Variants in BCORL1 observed in about 807,000 individuals in gnomAD.
BCORL1 encodes the protein BCL6 corepressor like 1, also known as BCL-6 corepressor-like protein 1.
Under a neutral mutation model 87.6 loss-of-function variants are expected in BCORL1, and 7 were observed. That is an observed-to-expected ratio of 0.08 (90% CI 0.05 to 0.15). The LOEUF is 0.15. BCORL1 is among the 10% of genes least tolerant of loss of function. The pLI, the probability that BCORL1 is intolerant of heterozygous loss-of-function variation, is 1.00. For synonymous variants in BCORL1, 591 were observed against 634.4 expected (o/e 0.93, Z 1.03); for missense variants, 1,215 against 1,499.7 (o/e 0.81, Z 3.13).
intron 11 of BCORL1, among the ~76,000 whole-genome samples, chrX:130,045,409 C>G (rs902021017): frequency 1.5e-4 from 17 of 110,791 alleles, no homozygotes; most frequent in Non-Finnish European, 3.0e-4. Flanking sequence ...TGCTAGATAC[C>G]TCTGCCATAT....
intron 2 of BCORL1, among the ~76,000 whole-genome samples, chrX:130,005,782 A>ATT (rs143969417): frequency 1.4e-4 from 14 of 98,520 alleles, no homozygotes; most frequent in African/African-American, 4.5e-4. Context: ...CGCCCGGCTA[A>ATT]TTTTTTTTTT....
At position 129,998,107 on chromosome X, in the gene BCORL1, C is replaced by T. The variant is rs912779554; in HGVS notation, c.-44-7081C>T. On this transcript the variant is annotated intron_variant, in intron 1 of 13. Transcript: ENST00000540052. The stretch of plus-strand genomic sequence containing the variant: ...TGGATATATCTTTTGAGTTTTTTCC[C>T]CCAAAGTAGGGATAGCTCACAGTGG... Among the ~76,000 whole-genome samples, 3 of 109,918 alleles carry T rather than the reference C, an allele frequency of 2.7e-5. No homozygotes were observed. In the East Asian group the frequency reaches 8.6e-4, roughly 31 times the overall value.
At chrX:129,983,001 C>T (rs1926246986) in intron 1 of BCORL1, among the ~76,000 whole-genome samples, 2 of 108,727 alleles carry the variant, frequency 1.8e-5, no homozygotes, top group African/African-American at 3.4e-5. Flanking sequence ...AACCCTGTTC[C>T]TTCTTTTCCC....
chrX:130,046,338 T>C (rs993857180), intron 11 of BCORL1, among the ~76,000 whole-genome samples: 1 of 111,046 alleles, frequency 9.0e-6, no homozygotes, highest in Non-Finnish European at 1.9e-5. Flanking sequence ...ATATTCACTA[T>C]CTTGTGCAAC....
Position 130,043,784 on chromosome X carries a change from A to AT in BCORL1, c.4840+4523dup, listed in dbSNP as rs1163098654. 2.5e-3 allele frequency among the ~76,000 whole-genome samples: 40 copies of AT among 15,971 alleles called. 1 individual carries two copies. The highest frequency in any genetic ancestry group is 5.2e-3 in the East Asian group (2 of 386). The allele number at this position is 15,971 out of a possible 115,157, so 13.9% of individuals were successfully genotyped here. A position where few individuals can be genotyped will look rare whatever the true frequency, so the allele number is the denominator to read the frequency against. On this transcript the variant is annotated intron_variant, in intron 11 of 13. Coordinates refer to ENST00000540052, the MANE Select transcript of BCORL1 (RefSeq NM_001379451.1). ...TATATATATATATATATATATATAT[A>AT]TTTTTTTTTTTTTTTTTTTTTGAGA...
At chrX:130,009,622 G>A (rs965374940) in intron 2 of BCORL1, among the ~76,000 whole-genome samples, 1 of 110,502 alleles carries the variant, frequency 9.0e-6, no homozygotes, top group African/African-American at 3.3e-5. Context: ...CTTACGGGTA[G>A]TCTGGGCCCA....
intron 8 of BCORL1, among the ~76,000 whole-genome samples, chrX:130,033,827 C>T (rs1930770286): frequency 9.1e-6 from 1 of 110,156 alleles, no homozygotes; most frequent in African/African-American, 3.3e-5. Context: ...ACTAAAAATG[C>T]AAAAATTAGC....
Position 130,004,104 on chromosome X carries a change from T to C in BCORL1, c.-44-1084T>C, listed in dbSNP as rs752669274. ...AAGCTCATTGGATAAAGGTTTTTCTTGGTGCCTCATTTTTTCTAGAAGGTA... is the reference window on the plus strand; with the variant it reads ...AAGCTCATTGGATAAAGGTTTTTCTCGGTGCCTCATTTTTTCTAGAAGGTA... On this transcript the variant is annotated intron_variant, in intron 1 of 13. Coordinates refer to ENST00000540052, the MANE Select transcript of BCORL1 (RefSeq NM_001379451.1). Among the ~76,000 whole-genome samples, 3 of 111,365 alleles carry C rather than the reference T, an allele frequency of 2.7e-5. No individual in the cohort carries two copies. In the South Asian group the frequency reaches 1.1e-3, roughly 43 times the overall value.
intron 4 of BCORL1, among the ~76,000 whole-genome samples, chrX:130,017,184 T>C (rs1172011948): frequency 5.4e-5 from 6 of 110,650 alleles, no homozygotes; most frequent in Admixed American, 3.9e-4. Context: ...CCAATAATTT[T>C]AGGGGGTTCA....
chrX:129,993,504 A>C (rs1206179788), intron 1 of BCORL1, among the ~76,000 whole-genome samples: 9 of 111,572 alleles, frequency 8.1e-5, no homozygotes, highest in Non-Finnish European at 1.3e-4. Flanking sequence ...TAGGCAACAT[A>C]GGGAGACCCT....
Position 130,012,596 on chromosome X carries a change from TGAG to T in BCORL1, c.109_111del (p.Glu37del), listed in dbSNP as rs769265482. 7 of 1,210,642 alleles carry T rather than the reference TGAG, an allele frequency of 5.8e-6. No homozygotes were observed. Among genetic ancestry groups the T allele is most frequent in the African/African-American group, 5.2e-5 (3 of 57,852 alleles). On this transcript the variant is annotated inframe_deletion, in exon 3 of 14. Transcript: ENST00000540052. ...ATGCTAGAAGAGCACCTCTTTCTGA[TGAG>T]GAGTCAACGACAGGCGACTGCCAGC... is the stretch of plus-strand genomic sequence containing the variant.
chrX:130,002,391 T>TG (rs1263640650), intron 1 of BCORL1, among the ~76,000 whole-genome samples: 3 of 105,753 alleles, frequency 2.8e-5, no homozygotes, highest in Non-Finnish European at 5.8e-5. Flanking sequence ...AGAGAGAAGG[T>TG]GGGGCAGGGC....
At chrX:129,991,658 T>A (rs1927171528) in intron 1 of BCORL1, among the ~76,000 whole-genome samples, 2 of 85,956 alleles carry the variant, frequency 2.3e-5, no homozygotes, top group Admixed American at 1.3e-4. Flanking sequence ...ATTCTTTTTT[T>A]TTTTTTTTTT....
intron 4 of BCORL1, among the ~76,000 whole-genome samples, chrX:130,016,962 A>G (rs1472777849): frequency 9.0e-6 from 1 of 111,415 alleles, no homozygotes; most frequent in East Asian, 2.8e-4. Flanking sequence ...ACATTTGAGG[A>G]TAGGGTTTAT....
intron 6 of BCORL1, 26 bp downstream of exon 6, chrX:130,023,003 C>T: frequency 8.9e-7 from 1 of 1,121,679 alleles, no homozygotes; most frequent in Non-Finnish European, 1.2e-6. Flanking sequence ...GTGATGGCCC[C>T]TCTCAGCATC....
intron 9 of BCORL1, 83 bp downstream of exon 9, chrX:130,034,759 C>A: frequency 2.7e-6 from 2 of 733,465 alleles, no homozygotes; most frequent in Non-Finnish European, 3.7e-6. Flanking sequence ...TCTTCTGGTG[C>A]TTGAACCCAG....
At chrX:129,999,624 C>T (rs1027690866) in intron 1 of BCORL1, among the ~76,000 whole-genome samples, 2 of 107,584 alleles carry the variant, frequency 1.9e-5, no homozygotes, top group Non-Finnish European at 3.8e-5. Context: ...TGCTCTGGGC[C>T]TGAAATGCAT....
At chrX:130,023,057 A>G (rs1893998235) in intron 6 of BCORL1, 80 bp downstream of exon 6, 1 of 878,791 alleles carries the variant, frequency 1.1e-6, no homozygotes, top group Admixed American at 2.2e-5. Context: ...CAGTTTTACC[A>G]TGGGCCCAGG....
intron 1 of BCORL1, among the ~76,000 whole-genome samples, chrX:129,989,655 C>T (rs1189974316): frequency 2.4e-4 from 25 of 103,514 alleles, no homozygotes; most frequent in Admixed American, 1.6e-3. Context: ...TTAGTAGAGA[C>T]GGGGTTTCAC....
Sources: gnomAD v4.1 joint callset for allele counts (sites outside exome capture counted in the v4.1 genomes callset) on GRCh38, gnomAD v4.1.1 for gene constraint, MANE v1.5 for transcripts, NCBI Gene and HGNC (gene_info 2026-07-23, HGNC 2026-07-21) for gene names.